The following SNTG1 variants were observed in gnomAD, a reference collection of about 807,000 sequenced individuals.
The protein encoded by SNTG1 is syntrophin gamma 1, also known as gamma-1-syntrophin.
SNTG1 carries 39 observed loss-of-function variants against 74.7 expected under a neutral mutation model. That is an observed-to-expected ratio of 0.52 (90% CI 0.40 to 0.68). The LOEUF is 0.68. Among genes scored for constraint, SNTG1 ranks in the 30% least tolerant of loss-of-function variants. The probability of loss-of-function intolerance (pLI) is 0.00; values close to 1 mark genes in which losing one functional copy is unlikely to be tolerated. For synonymous variants in SNTG1, 254 were observed against 217.1 expected (o/e 1.17, Z -1.49); for missense variants, 685 against 609.5 (o/e 1.12, Z -1.30).
intron 2 of SNTG1, among the ~76,000 whole-genome samples, chr8:50,233,693 C>G (rs565213659): frequency 6.7e-6 from 1 of 148,302 alleles, no homozygotes; most frequent in Non-Finnish European, 1.5e-5. Context: ...ATAAAGAATT[C>G]TCAAAACTTC....
At chr8:50,216,693 A>G (rs1205543267) in intron 2 of SNTG1, among the ~76,000 whole-genome samples, 1 of 152,168 alleles carries the variant, frequency 6.6e-6, no homozygotes, top group African/African-American at 2.4e-5. Context: ...ATAACCATGG[A>G]TCGTGCTATT....
chr8:50,152,319 T>A (rs1170851102), intron 1 of SNTG1, among the ~76,000 whole-genome samples: 1 of 152,176 alleles, frequency 6.6e-6, no homozygotes, highest in African/African-American at 2.4e-5. Context: ...ATGAGATGGG[T>A]CTCCTGAATA....
At chr8:50,591,165 T>C (rs2130875963) in intron 13 of SNTG1, among the ~76,000 whole-genome samples, 1 of 152,240 alleles carries the variant, frequency 6.6e-6, no homozygotes, top group African/African-American at 2.4e-5. Context: ...AATAATTTAT[T>C]TGAATACATT....
intron 13 of SNTG1, among the ~76,000 whole-genome samples, chr8:50,606,746 T>A (rs1426283774): frequency 6.6e-6 from 1 of 151,992 alleles, no homozygotes; most frequent in African/African-American, 2.4e-5. Context: ...AATACCTTTC[T>A]GTTACTAGTT....
chr8:50,543,603 A>G (rs944707709), intron 11 of SNTG1, among the ~76,000 whole-genome samples: 2 of 152,184 alleles, frequency 1.3e-5, no homozygotes, highest in Non-Finnish European at 2.9e-5. Context: ...CTTTGAAAAC[A>G]TCTAGGTTGC....
chr8:50,142,283 C>A (rs1466067845), intron 1 of SNTG1, among the ~76,000 whole-genome samples: 1 of 151,922 alleles, frequency 6.6e-6, no homozygotes, highest in African/African-American at 2.4e-5. Context: ...TCTACAGAAA[C>A]CCAGACTACA....
intron 2 of SNTG1, among the ~76,000 whole-genome samples, chr8:50,189,106 A>G (rs1051327924): frequency 6.6e-6 from 1 of 152,156 alleles, no homozygotes; most frequent in South Asian, 2.1e-4. Context: ...AAAGGTGGAA[A>G]AACAACAACT....
At chr8:50,649,267 G>C (rs1467032697) in intron 13 of SNTG1, among the ~76,000 whole-genome samples, 1 of 151,978 alleles carries the variant, frequency 6.6e-6, no homozygotes, top group African/African-American at 2.4e-5. Context: ...GGAGTCCGAG[G>C]TGGGTGAATA....
At position 50,111,364 on chromosome 8, in the gene SNTG1, G is replaced by T. The variant is rs570634749; in HGVS notation, c.-102-61197G>T. On this transcript the variant is annotated intron_variant, in intron 1 of 18. Transcript: ENST00000642720. Reference sequence around the variant, plus strand: ...TGGGGGTCTTAATTGAATATGAATAGTGTCCTTATACGAAGAGGCACCAGA... The same window carrying T: ...TGGGGGTCTTAATTGAATATGAATATTGTCCTTATACGAAGAGGCACCAGA... Among the ~76,000 whole-genome samples the T allele has an allele frequency of 5.9e-5, 9 of 152,194 alleles. No individual in the cohort carries two copies. The South Asian group carries it at 1.9e-3, about 32-fold the overall frequency.
At chr8:50,171,392 C>T (rs925022910) in intron 1 of SNTG1, among the ~76,000 whole-genome samples, 4 of 152,088 alleles carry the variant, frequency 2.6e-5, no homozygotes, top group Non-Finnish European at 5.9e-5. Flanking sequence ...AGGAAGCATC[C>T]AGCACAGGAG....
chr8:50,316,245 C>T (rs1198112716), intron 2 of SNTG1, among the ~76,000 whole-genome samples: 1 of 152,052 alleles, frequency 6.6e-6, no homozygotes, highest in Non-Finnish European at 1.5e-5. Context: ...CATGATGATG[C>T]CAGAGCACAT....
In SNTG1 at chr8:49,957,889, C is replaced by T. The variant is rs568662380; in HGVS notation, c.-103+45658C>T. On this transcript the variant is annotated intron_variant, in intron 1 of 18. Coordinates refer to ENST00000642720, the MANE Select transcript of SNTG1 (RefSeq NM_018967.5). Reference sequence around the variant, plus strand: ...GCTGAGACTAGAGGATGGTTTGAACCGGGAGTTGAAGTCCAGCCTGGGCAA... The same window carrying T: ...GCTGAGACTAGAGGATGGTTTGAACTGGGAGTTGAAGTCCAGCCTGGGCAA... Among the ~76,000 whole-genome samples the T allele has an allele frequency of 3.9e-5, 6 of 152,050 alleles. No homozygotes were observed. In the South Asian group the frequency reaches 6.3e-4, roughly 16 times the overall value.
chr8:50,639,464 C>A (rs1234142814), intron 13 of SNTG1, among the ~76,000 whole-genome samples: 1 of 151,786 alleles, frequency 6.6e-6, no homozygotes, highest in African/African-American at 2.4e-5. Context: ...GCCATTTTAG[C>A]AGTATAAATT....
intron 2 of SNTG1, among the ~76,000 whole-genome samples, chr8:50,331,175 T>C (rs923732240): frequency 6.6e-6 from 1 of 152,138 alleles, no homozygotes; most frequent in Non-Finnish European, 1.5e-5. Context: ...CATCGGCTAG[T>C]AGAAATTGAA....
chr8:50,782,004 C>A (rs1057028453), intron 18 of SNTG1, among the ~76,000 whole-genome samples: 26 of 152,260 alleles, frequency 1.7e-4, no homozygotes, highest in African/African-American at 6.0e-4. Flanking sequence ...GTTGAACATT[C>A]TTTTCTTTAA....
At chr8:50,064,278 T>G (rs1820720536) in intron 1 of SNTG1, among the ~76,000 whole-genome samples, 1 of 152,184 alleles carries the variant, frequency 6.6e-6, no homozygotes, top group Non-Finnish European at 1.5e-5. Context: ...GGAAATGGCA[T>G]CAGCTCAGTT....
At chr8:50,690,947 A>G (rs1356619891) in intron 15 of SNTG1, among the ~76,000 whole-genome samples, 1 of 152,146 alleles carries the variant, frequency 6.6e-6, no homozygotes, top group Non-Finnish European at 1.5e-5. Flanking sequence ...TTGGGTGCAT[A>G]TATATTTAGG....
intron 1 of SNTG1, among the ~76,000 whole-genome samples, chr8:50,072,193 T>C (rs1321783435): frequency 1.3e-5 from 2 of 152,168 alleles, no homozygotes; most frequent in East Asian, 3.9e-4. Context: ...CTTGGACAAG[T>C]AATATATGAA....
chr8:50,254,171 T>C (rs762507421), intron 2 of SNTG1, among the ~76,000 whole-genome samples: 11 of 152,180 alleles, frequency 7.2e-5, no homozygotes, highest in Non-Finnish European at 1.3e-4. Context: ...TAAATATGTA[T>C]AATTACAAGA....
Sources: allele counts gnomAD v4.1 joint callset (sites outside exome capture counted in the v4.1 genomes callset), GRCh38; gene constraint gnomAD v4.1.1; transcripts MANE v1.5; gene names NCBI Gene and HGNC (gene_info 2026-07-23, HGNC 2026-07-21).